Variants in SEC16B observed in about 807,000 individuals in gnomAD.
The protein encoded by SEC16B is protein transport protein Sec16B.
Under a neutral mutation model 141.8 loss-of-function variants are expected in SEC16B, and 115 were observed. The observed-to-expected ratio is 0.81, with a 90% CI of 0.70 to 0.95. The LOEUF (loss-of-function observed/expected upper bound fraction) is 0.95, where lower values mean the gene tolerates loss of function less well. SEC16B is among the 40% of genes least tolerant of loss of function. SEC16B has a pLI of 0.00. For missense variants in SEC16B, 1,291 were observed against 1,312.3 expected, an observed-to-expected ratio of 0.98 and a Z score of 0.25; for synonymous variants, 493 against 492.5, an observed-to-expected ratio of 1.00 and a Z score of -0.01.
rs199866985 is a variant in SEC16B at position 177,967,701 on chromosome 1, C to A, written c.281G>T (p.Arg94Leu). The A allele has an allele frequency of 6.2e-7, 1 of 1,602,764 alleles. No individual in the cohort carries two copies. Among genetic ancestry groups the A allele is most frequent in the Non-Finnish European group, 8.5e-7 (1 of 1,172,228 alleles). The change falls in exon 2 of 26, where the codon CGC becomes CTC. Residue 94 changes from arginine (R) to leucine (L), a missense_variant. Physicochemically the swap from Arg to Leu is moderately radical, Grantham distance 102 (BLOSUM62 -2). Transcript: ENST00000308284. ...SGVDYYEGGY[R>L]NQLYSRPGYE... ...GCCATACCTTGAATACAACTGATTG[C>A]GATAACCACCTTCGTAATAGTCAAC...
rs201266888 is a variant in SEC16B, at chr1:177,958,873, C to T, written c.1101G>A (p.Trp367Ter). ...TLGSRDSALL[W>*]QLLVLLCRQN... is the part of the protein sequence containing the mutation. ...GGCGACAAAGGAGAACCAAGAGCTG[C>T]CACAGTAGAGCTGAGTCTCTGCTCC... Residue 367 changes from tryptophan to a stop codon, truncating the protein, a stop_gained, in exon 9 of 26, where the codon TGG becomes TGA. Coordinates refer to ENST00000308284, the MANE Select transcript of SEC16B (RefSeq NM_033127.4). LOFTEE classifies it high-confidence loss of function. 51 of 1,613,618 alleles carry T rather than the reference C, an allele frequency of 3.2e-5. No homozygotes were observed. The highest frequency in any genetic ancestry group is 4.2e-5 in the Non-Finnish European group (50 of 1,179,736).
In SEC16B at chr1:177,953,003, A is replaced by T. The variant is rs187158164; in HGVS notation, c.1464-1008T>A. On this transcript the variant is annotated intron_variant, in intron 11 of 25. Transcript: ENST00000308284. ...GGACTGAACTTAACATGGAAGTGTC[A>T]TTTTTTTTTTTTTTTTTTTGAGACC... Among the ~76,000 whole-genome samples the T allele has an allele frequency of 1.3e-4, 16 of 127,954 alleles. No homozygotes were observed. The East Asian group carries it at 1.9e-3, about 15-fold the overall frequency. 83.9% of individuals were successfully genotyped at this position (127,954 alleles called of 152,430 possible). A position where few individuals can be genotyped will look rare whatever the true frequency, so the allele number is the denominator to read the frequency against.
chr1:177,939,012 C>T (rs143565345), intron 18 of SEC16B, among the ~76,000 whole-genome samples: 3,231 of 152,326 alleles, frequency 0.021, 57 homozygotes, highest in East Asian at 0.051. Flanking sequence ...GGCACCCAGC[C>T]GGGCTCTCCT....
At chr1:177,932,629 G>A (rs1343794872) in intron 23 of SEC16B, 60 bp from the exon 24 acceptor site, 3 of 1,501,346 alleles carry the variant, frequency 2.0e-6, no homozygotes, top group African/African-American at 2.8e-5. Context: ...CCCACTCCCA[G>A]AAGGCACCCC....
At chr1:177,967,108 C>T (rs1008582695) in intron 2 of SEC16B, among the ~76,000 whole-genome samples, 9 of 152,244 alleles carry the variant, frequency 5.9e-5, no homozygotes, top group Middle Eastern at 3.4e-3. Context: ...CTCTTCCTTC[C>T]GAACTTGGAG....
At chr1:177,940,259 G>C (rs1220572013) in intron 17 of SEC16B, among the ~76,000 whole-genome samples, 1 of 152,260 alleles carries the variant, frequency 6.6e-6, no homozygotes, top group Non-Finnish European at 1.5e-5. Context: ...AAGTGACACT[G>C]GTCCACTGTG....
In SEC16B at chr1:177,966,790, G is replaced by T. The variant is rs1340978199; in HGVS notation, c.300-785C>A. 2.6e-5 allele frequency among the ~76,000 whole-genome samples: 4 copies of T among 152,226 alleles called. No individual in the cohort carries two copies. The East Asian group carries it at 7.7e-4, about 29-fold the overall frequency. On this transcript the variant is annotated intron_variant, in intron 2 of 25. Transcript: ENST00000308284. ...GGGTTTCACCATGTTGACCAGGCTG[G>T]TCTCGAACTCCCAACCTCAGATGAT...
chr1:177,958,435 A>T, intron 9 of SEC16B, 73 bp from the exon 10 acceptor site: 1 of 1,284,710 alleles, frequency 7.8e-7, no homozygotes, highest in South Asian at 1.7e-5. Flanking sequence ...TGGAGAAGGA[A>T]GGCACCAGGG....
At chr1:177,973,761 G>A (rs962994204), upstream of SEC16B, among the ~76,000 whole-genome samples, 2 of 152,118 alleles carry the variant, frequency 1.3e-5, no homozygotes, top group Non-Finnish European at 2.9e-5. Context: ...CAATTCAGCA[G>A]AGCAGTAGAC....
At chr1:177,981,758 G>A (rs16852277) in intron 1 of SEC16B, among the ~76,000 whole-genome samples, 2,939 of 152,244 alleles carry the variant, frequency 0.019, 103 homozygotes, top group African/African-American at 0.068. Flanking sequence ...GAGTTGAGGT[G>A]CCTGCAGGAC....
intron 16 of SEC16B, among the ~76,000 whole-genome samples, chr1:177,941,638 C>G (rs1476504467): frequency 3.9e-5 from 6 of 152,148 alleles, no homozygotes; most frequent in Non-Finnish European, 7.4e-5. Flanking sequence ...AAAGCAGATG[C>G]AAGAATGAAT....
chr1:177,948,361 G>A (rs942206104), intron 12 of SEC16B: 20 of 1,304,746 alleles, frequency 1.5e-5, no homozygotes, highest in Non-Finnish European at 1.8e-5. Context: ...ACAGAAGTCG[G>A]GGGAACACGG....
At chr1:177,939,854 C>A in intron 17 of SEC16B, 77 bp from the exon 18 acceptor site, 1 of 1,221,594 alleles carries the variant, frequency 8.2e-7, no homozygotes, top group Non-Finnish European at 1.2e-6. Flanking sequence ...TGATTCAAAA[C>A]TTAAGCCAAA....
Position 177,939,737 on chromosome 1 carries a change from C to T in SEC16B, c.2168G>A (p.Arg723His), listed in dbSNP as rs761222766. 1.4e-5 allele frequency: 22 copies of T among 1,596,478 alleles called. No homozygotes were observed. The highest frequency in any genetic ancestry group is 6.8e-5 in the South Asian group (6 of 87,646). ...TCCTCCGGCTCCCGAAATATCTGAG[C>T]GAGTAGGATGAGGATCCCCAATGTC... ...AGDIGDPHPT[R>H]SDISGAGGTT... The change falls in exon 18 of 26, where the codon CGC becomes CAC. Residue 723 changes from arginine (R) to histidine (H), a missense_variant. By Grantham distance (29) the Arg-to-His change is conservative. Around this residue, in one of 3 missense-constraint regions of SEC16B, gnomAD observed 605 missense variants for 614.1 expected, o/e 0.99. Coordinates refer to ENST00000308284, the MANE Select transcript of SEC16B (RefSeq NM_033127.4).
chr1:177,930,005 A>T, intron 25 of SEC16B, 76 bp from the exon 26 acceptor site: 1 of 1,438,600 alleles, frequency 7.0e-7, no homozygotes, highest in Non-Finnish European at 9.6e-7. Context: ...GGACAGATGG[A>T]GCTAGGGCAC....
intron 10 of SEC16B, among the ~76,000 whole-genome samples, chr1:177,956,986 G>C (rs1652655857): frequency 6.6e-6 from 1 of 152,056 alleles, no homozygotes; most frequent in African/African-American, 2.4e-5. Context: ...TTAATGATGG[G>C]TTTATTGGGA....
chr1:177,936,440 G>C (rs1283739690), intron 19 of SEC16B, 75 bp from the exon 20 acceptor site: 2 of 1,282,276 alleles, frequency 1.6e-6, no homozygotes, highest in Non-Finnish European at 2.2e-6. Context: ...AGGGTAACTG[G>C]GACACAATCA....
At chr1:177,966,111 C>A in intron 2 of SEC16B, 106 bp from the exon 3 acceptor site, 1 of 611,922 alleles carries the variant, frequency 1.6e-6, no homozygotes, top group Non-Finnish European at 2.7e-6. Context: ...AGAGTTGTGA[C>A]CCCAGCCTAG....
chr1:177,939,571 G>C (rs140892210), intron 18 of SEC16B, 131 bp downstream of exon 18: 5 of 730,716 alleles, frequency 6.8e-6, no homozygotes, highest in Non-Finnish European at 1.2e-5. Context: ...CCTGGACAAC[G>C]GGGCGGACTT....
Sources: allele counts gnomAD v4.1 joint callset (sites outside exome capture counted in the v4.1 genomes callset), GRCh38; gene constraint gnomAD v4.1.1; regional missense constraint gnomAD v4.1.1; transcripts MANE v1.5; gene names NCBI Gene and HGNC (gene_info 2026-07-23, HGNC 2026-07-21).